The following PTDSS1 variants were observed in gnomAD, a reference collection of about 807,000 sequenced individuals.
The protein encoded by PTDSS1 is PSS-1.
In PTDSS1, 45 loss-of-function variants were observed where a neutral mutation model predicts 70.5. The ratio of observed to expected loss-of-function variants is 0.64; its 90% CI spans 0.50 to 0.82. PTDSS1 has a LOEUF of 0.82. Among genes scored for constraint, PTDSS1 ranks in the 40% least tolerant of loss-of-function variants. PTDSS1 has a pLI of 0.00. For synonymous variants in PTDSS1, 188 were observed against 203.8 expected, an observed-to-expected ratio of 0.92 and a Z score of 0.66; for missense variants, 417 against 586.1, an observed-to-expected ratio of 0.71 and a Z score of 2.98.
intron 8 of PTDSS1, among the ~76,000 whole-genome samples, chr8:96,306,788 T>G (rs1811130790): frequency 6.6e-6 from 1 of 152,234 alleles, no homozygotes; most frequent in South Asian, 2.1e-4. Context: ...TACTATCCAT[T>G]ATTATCAGAT....
At chr8:96,312,832 A>T (rs1191643544) in intron 9 of PTDSS1, among the ~76,000 whole-genome samples, 1 of 152,142 alleles carries the variant, frequency 6.6e-6, no homozygotes, top group African/African-American at 2.4e-5. Context: ...CCCGGAGGCC[A>T]CCCACTTCCT....
chr8:96,309,672 T>A, intron 9 of PTDSS1, 50 bp downstream of exon 9: 1 of 1,573,704 alleles, frequency 6.4e-7, no homozygotes, highest in South Asian at 1.1e-5. Context: ...AGCCCTAATT[T>A]TATTTGGGTA....
At chr8:96,330,514 A>C (rs182806378) in intron 11 of PTDSS1, 2 of 525,706 alleles carry the variant, frequency 3.8e-6, no homozygotes, top group Non-Finnish European at 6.8e-6. Flanking sequence ...TTGTTAGATA[A>C]AAAAAGTTAT....
At chr8:96,284,489 T>C (rs1401875388) in intron 3 of PTDSS1, among the ~76,000 whole-genome samples, 2 of 152,214 alleles carry the variant, frequency 1.3e-5, no homozygotes, top group African/African-American at 2.4e-5. Flanking sequence ...GCCCAAGAAC[T>C]TATGATGAGC....
intron 9 of PTDSS1, among the ~76,000 whole-genome samples, chr8:96,318,629 A>G (rs1586207344): frequency 6.6e-6 from 1 of 152,202 alleles, no homozygotes; most frequent in African/African-American, 2.4e-5. Flanking sequence ...ACTTTCTCAC[A>G]TGTGACATGC....
At chr8:96,327,519 A>T (rs767613005) in intron 10 of PTDSS1, among the ~76,000 whole-genome samples, 3 of 152,194 alleles carry the variant, frequency 2.0e-5, no homozygotes. Flanking sequence ...TCGCAGACTC[A>T]GGAGTAGAGG....
chr8:96,327,387 GAA>G (rs1811453140), intron 10 of PTDSS1, among the ~76,000 whole-genome samples: 1 of 152,160 alleles, frequency 6.6e-6, no homozygotes, highest in East Asian at 1.9e-4. Context: ...GACGTCGCCC[GAA>G]AAGAGGCCCT....
rs753773118 is a variant in PTDSS1 at position 96,306,461 on chromosome 8, C to T, written c.912C>T (p.Thr304=). ...MIIWQLTELN[T]FFLKHIFVFQ... is the part of the protein sequence containing the mutation. Reference sequence around the variant, plus strand: ...TTTTTCAGCTGACTGAGTTGAATACCTTCTTCTTGAAGCATATCTTTGTGT... The same window carrying T: ...TTTTTCAGCTGACTGAGTTGAATACTTTCTTCTTGAAGCATATCTTTGTGT... Residue 304 remains threonine (T), a synonymous_variant, in exon 8 of 13, where the codon ACC becomes ACT. Transcript: ENST00000517309. 1.9e-6 allele frequency: 3 copies of T among 1,613,764 alleles called. No individual in the cohort carries two copies. The highest frequency in any genetic ancestry group is 2.5e-6 in the Non-Finnish European group (3 of 1,179,798).
At chr8:96,313,358 T>C (rs1310846000) in intron 9 of PTDSS1, among the ~76,000 whole-genome samples, 3 of 152,194 alleles carry the variant, frequency 2.0e-5, no homozygotes, top group Non-Finnish European at 4.4e-5. Flanking sequence ...GGTCGGCTGT[T>C]TCTCTATTTA....
rs1811593178 is a variant in PTDSS1, at chr8:96,336,313, T to C, written c.*2747T>C. The stretch of plus-strand genomic sequence containing the variant: ...TGGTCTTCCCTCAGAAGCCACCGTG[T>C]AGCACCCTGGAATGATGCCTCTTTA... On this transcript the variant is annotated 3_prime_UTR_variant, in exon 13 of 13. Transcript: ENST00000517309. 1 of 152,050 alleles carries C rather than the reference T, an allele frequency of 6.6e-6. No individual in the cohort carries two copies. The highest frequency in any genetic ancestry group is 1.9e-4 in the East Asian group (1 of 5,202). 9.4% of individuals were successfully genotyped at this position (152,050 alleles called of 1,614,324 possible). A position where few individuals can be genotyped will look rare whatever the true frequency, so the allele number is the denominator to read the frequency against.
intron 9 of PTDSS1, among the ~76,000 whole-genome samples, chr8:96,314,294 A>G (rs551009663): frequency 6.6e-6 from 1 of 152,004 alleles, no homozygotes; most frequent in East Asian, 2.0e-4. Flanking sequence ...CAGTCCTCCC[A>G]CCTTGACCTC....
chr8:96,316,983 G>A (rs1811298619), intron 9 of PTDSS1, among the ~76,000 whole-genome samples: 1 of 151,698 alleles, frequency 6.6e-6, no homozygotes, highest in Non-Finnish European at 1.5e-5. Flanking sequence ...GACAGAGTGA[G>A]ACTCCGTCTA....
At chr8:96,273,816 C>T (rs1245951593) in intron 2 of PTDSS1, among the ~76,000 whole-genome samples, 1 of 152,172 alleles carries the variant, frequency 6.6e-6, no homozygotes, top group Admixed American at 6.5e-5. Context: ...ATGAGTATTA[C>T]TTAAATAAGT....
intron 10 of PTDSS1, among the ~76,000 whole-genome samples, chr8:96,328,750 C>T (rs986072738): frequency 6.6e-6 from 1 of 152,140 alleles, no homozygotes; most frequent in Non-Finnish European, 1.5e-5. Context: ...AGGAACTGGG[C>T]CAAAGCTCGA....
intron 11 of PTDSS1, 116 bp downstream of exon 11, chr8:96,330,397 C>A: frequency 1.0e-6 from 1 of 990,088 alleles, no homozygotes; most frequent in South Asian, 1.4e-5. Flanking sequence ...AGGTTGGGGC[C>A]TCCAGTCCTG....
chr8:96,266,450 C>T (rs28491880), intron 1 of PTDSS1, among the ~76,000 whole-genome samples: 11,184 of 152,144 alleles, frequency 0.074, 456 homozygotes, highest in African/African-American at 0.083. Context: ...TCCAGTTCAC[C>T]GTCATATCAT....
At chr8:96,314,665 C>T (rs1450355441) in intron 9 of PTDSS1, among the ~76,000 whole-genome samples, 3 of 151,630 alleles carry the variant, frequency 2.0e-5, no homozygotes, top group Non-Finnish European at 4.4e-5. Context: ...GGTGCCATCT[C>T]GGCTCACTGC....
At position 96,333,597 on chromosome 8, in the gene PTDSS1, G is replaced by A. The variant is rs773684689; in HGVS notation, c.*31G>A. ...CCTGGTTAATCAAAGATGTTCCAGA[G>A]TGCCTAGAACTGAGAGGGAAATGGA... On this transcript the variant is annotated 3_prime_UTR_variant, in exon 13 of 13. Transcript: ENST00000517309. 4.5e-6 allele frequency: 7 copies of A among 1,571,594 alleles called. No individual in the cohort carries two copies. In the East Asian group the frequency reaches 1.3e-4, roughly 30 times the overall value.
At chr8:96,324,681 T>G (rs1324138783) in intron 10 of PTDSS1, among the ~76,000 whole-genome samples, 1 of 152,174 alleles carries the variant, frequency 6.6e-6, no homozygotes, top group African/African-American at 2.4e-5. Context: ...TTTGCCCTCA[T>G]GACCTATCAC....
Sources: gnomAD v4.1 joint callset for allele counts (sites outside exome capture counted in the v4.1 genomes callset) on GRCh38, gnomAD v4.1.1 for gene constraint, MANE v1.5 for transcripts, NCBI Gene and HGNC (gene_info 2026-07-23, HGNC 2026-07-21) for gene names.